The following KLK7 variants were observed in gnomAD, a reference collection of about 807,000 sequenced individuals.
KLK7 encodes kallikrein related peptidase 7.
A neutral mutation model predicts 21.0 loss-of-function variants in KLK7; 17 were observed. The observed-to-expected ratio is 0.81, with a 90% CI of 0.55 to 1.21. The LOEUF is 1.21. KLK7 is among the 50% of genes most tolerant of loss of function. KLK7 has a pLI of 0.00. For missense variants in KLK7, 330 were observed against 322.8 expected (o/e 1.02, Z -0.17); for synonymous variants, 151 against 134.6 (o/e 1.12, Z -0.85).
chr19:50,982,211 C>G, intron 2 of KLK7, 116 bp downstream of exon 2: 2 of 1,371,494 alleles, frequency 1.5e-6, no homozygotes, highest in Admixed American at 4.0e-5. Context: ...AGCCGACAGT[C>G]TGGTCCTCCC....
At chr19:50,983,632 G>C in intron 1 of KLK7, 1 of 514,132 alleles carries the variant, frequency 1.9e-6, no homozygotes. Flanking sequence ...TAGAGACCCA[G>C]GAATCTAGGC....
At chr19:50,983,449 C>A (rs1473818131) in intron 1 of KLK7, among the ~76,000 whole-genome samples, 7 of 141,412 alleles carry the variant, frequency 5.0e-5, no homozygotes, top group African/African-American at 1.6e-4. Flanking sequence ...TCCCTCAGAC[C>A]CAGGAGTCCA....
At position 50,977,472 on chromosome 19, in the gene KLK7, A is replaced by G. The variant is rs900218633; in HGVS notation, c.*64T>C. ...AAAGTCAAATTTGACTTCATAGGTCATCGGCGTCCTCACTCCTGTGCATTT... is the reference window on the plus strand; with the variant it reads ...AAAGTCAAATTTGACTTCATAGGTCGTCGGCGTCCTCACTCCTGTGCATTT... On this transcript the variant is annotated 3_prime_UTR_variant, in exon 6 of 6. Coordinates refer to ENST00000595820, the MANE Select transcript of KLK7 (RefSeq NM_005046.4). 5.9e-6 allele frequency: 9 copies of G among 1,512,850 alleles called. No homozygotes were observed. Among genetic ancestry groups the G allele is most frequent in the Non-Finnish European group, 8.2e-6 (9 of 1,091,734 alleles). 93.7% of individuals were successfully genotyped at this position (1,512,850 alleles called of 1,614,324 possible).
chr19:50,982,423 G>A lies in KLK7; in HGVS notation c.-24C>T. 1 of 1,594,084 alleles carries A rather than the reference G, an allele frequency of 6.3e-7. No individual in the cohort carries two copies. The highest frequency in any genetic ancestry group is 2.3e-5 in the East Asian group (1 of 44,390). ...ATGGTGCCCTGCTGAGCCGCTCAGG[G>A]GCTGCCAGGCGAGGAAGGGCCTCTC... is the stretch of plus-strand genomic sequence containing the variant. On this transcript the variant is annotated 5_prime_UTR_variant, in exon 2 of 6. Coordinates refer to ENST00000595820, the MANE Select transcript of KLK7 (RefSeq NM_005046.4).
In KLK7 at chr19:50,979,693, G is replaced by A. The variant is rs895369152; in HGVS notation, c.606+95C>T. 25 of 1,295,102 alleles carry A rather than the reference G, an allele frequency of 1.9e-5. 1 individual carries two copies. Among genetic ancestry groups the A allele is most frequent in the East Asian group, 5.1e-5 (2 of 38,906 alleles). 80.2% of individuals were successfully genotyped at this position (1,295,102 alleles called of 1,614,324 possible). A position where few individuals can be genotyped will look rare whatever the true frequency, so the allele number is the denominator to read the frequency against. ...CCAGGCCTGGGGGGAGGGCAAGGCC[G>A]GGCTTGGTACCCAGTCACTCGGGTC... On this transcript the variant is annotated intron_variant, in intron 5 of 5. Transcript: ENST00000595820.
rs1219665606 is a variant in KLK7, at chr19:50,983,513, TCCCTC to T, written c.-59+333_-59+337del. ...AGGAGTCGAGACCCCCAGCCCCTCCTCCCTCAGACCCAGGAGTCCAGGCCCCCAGG... is the reference window on the plus strand; with the variant it reads ...AGGAGTCGAGACCCCCAGCCCCTCCTAGACCCAGGAGTCCAGGCCCCCAGG... On this transcript the variant is annotated intron_variant, in intron 1 of 5. Transcript: ENST00000595820. Among the ~76,000 whole-genome samples the T allele has an allele frequency of 7.6e-3, 617 of 81,488 alleles. 10 individuals carry two copies. Among genetic ancestry groups the T allele is most frequent in the African/African-American group, 0.027 (568 of 20,928 alleles). The allele number at this position is 81,488 out of a possible 152,430, so 53.5% of individuals were successfully genotyped here.
chr19:50,977,178 A>AT lies in KLK7; in HGVS notation c.*357dup, dbSNP rs912632273. ...ATTCAAGTCTTGTTCTACATTTTGG[A>AT]TTTTTTTTGTTTCAGTAGGTTCTTC... On this transcript the variant is annotated 3_prime_UTR_variant, in exon 6 of 6. Coordinates refer to ENST00000595820, the MANE Select transcript of KLK7 (RefSeq NM_005046.4). 1.8e-4 allele frequency: 34 copies of AT among 185,362 alleles called. No homozygotes were observed. The highest frequency in any genetic ancestry group is 7.4e-4 in the South Asian group (4 of 5,370). 11.5% of individuals were successfully genotyped at this position (185,362 alleles called of 1,614,324 possible).
chr19:50,982,065 A>G, intron 2 of KLK7, 151 bp from the exon 3 acceptor site: 1 of 934,184 alleles, frequency 1.1e-6, no homozygotes. Flanking sequence ...ATAGAGACAG[A>G]CAGAAGGAGC....
Position 50,983,901 on chromosome 19 carries a change from T to C in KLK7, c.-109A>G. 7.8e-7 allele frequency: 1 copy of C among 1,289,140 alleles called. No individual in the cohort carries two copies. Among genetic ancestry groups the C allele is most frequent in the Admixed American group, 2.3e-5 (1 of 43,556 alleles). 79.9% of individuals were successfully genotyped at this position (1,289,140 alleles called of 1,614,324 possible). A position where few individuals can be genotyped will look rare whatever the true frequency, so the allele number is the denominator to read the frequency against. Reference sequence around the variant, plus strand: ...GTTCCGACTTGGGCTGGCACACAGCTGGGCTCCAAAATCTTCATCCCTCTG... The same window carrying C: ...GTTCCGACTTGGGCTGGCACACAGCCGGGCTCCAAAATCTTCATCCCTCTG... On this transcript the variant is annotated 5_prime_UTR_variant, in exon 1 of 6. Transcript: ENST00000595820.
Position 50,980,370 on chromosome 19 carries a change from G to A in KLK7, c.339C>T (p.Leu113=). The A allele has an allele frequency of 1.2e-6, 2 of 1,614,082 alleles. No homozygotes were observed. Among genetic ancestry groups the A allele is most frequent in the Non-Finnish European group, 1.7e-6 (2 of 1,179,978 alleles). ...GYSTQTHVND[L]MLVKLNSQAR... ...CCTGGCTATTGAGCTTCACGAGCAT[G>A]AGGTCATTAACATGGGTCTGTGTGG... Residue 113 remains leucine (L), a synonymous_variant, in exon 4 of 6, where the codon CTC becomes CTT. Coordinates refer to ENST00000595820, the MANE Select transcript of KLK7 (RefSeq NM_005046.4).
intron 2 of KLK7, 164 bp from the exon 3 acceptor site, chr19:50,982,078 A>G: frequency 2.3e-6 from 2 of 876,580 alleles, no homozygotes; most frequent in Non-Finnish European, 3.4e-6. Context: ...GAAGGAGCCC[A>G]CTCAGAAACC....
intron 5 of KLK7, among the ~76,000 whole-genome samples, chr19:50,978,877 G>T: frequency 8.4e-6 from 1 of 119,002 alleles, no homozygotes; most frequent in Admixed American, 8.8e-5. Flanking sequence ...CAGAGAGAGA[G>T]GAAAAAAGAG....
chr19:50,984,063 T>C (rs771796390), upstream of KLK7: 3 of 484,914 alleles, frequency 6.2e-6, no homozygotes, highest in Non-Finnish European at 1.1e-5. Flanking sequence ...GCGAGAGCAA[T>C]TGGCACCACT....
chr19:50,978,615 GAA>G (rs2091053395), intron 5 of KLK7, among the ~76,000 whole-genome samples: 1 of 114,430 alleles, frequency 8.7e-6, no homozygotes, highest in Admixed American at 9.0e-5. Context: ...GAGACAAAGA[GAA>G]AGGGGGGGAA....
At position 50,977,553 on chromosome 19, in the gene KLK7, T is replaced by C. The variant is rs1291199159; in HGVS notation, c.745A>G (p.Met249Val). ...CKFTKWINDTMKKHR is the reference protein window; with the variant it reads ...CKFTKWINDTVKKHR Reference sequence around the variant, plus strand: ...GTGTGGCGTTAGCGATGCTTTTTCATGGTGTCATTTATCCACTTGGTGAAC... The same window carrying C: ...GTGTGGCGTTAGCGATGCTTTTTCACGGTGTCATTTATCCACTTGGTGAAC... Residue 249 changes from methionine to valine, a missense_variant, in exon 6 of 6, where the codon ATG becomes GTG. Met to Val is a conservative substitution (Grantham distance 21). Transcript: ENST00000595820. 1.9e-6 allele frequency: 3 copies of C among 1,613,974 alleles called. No individual in the cohort carries two copies. The East Asian group carries it at 6.7e-5, about 36-fold the overall frequency.
chr19:50,978,287 A>G (rs2091051125), intron 5 of KLK7, among the ~76,000 whole-genome samples: 1 of 152,152 alleles, frequency 6.6e-6, no homozygotes, highest in Non-Finnish European at 1.5e-5. Flanking sequence ...TCTCTAGGAC[A>G]GTCATCTCTC....
In KLK7 at chr19:50,982,342, T is replaced by C; in HGVS notation, c.58A>G (p.Thr20Ala). The C allele has an allele frequency of 6.2e-7, 1 of 1,610,774 alleles. No individual in the cohort carries two copies. Residue 20 changes from threonine to alanine, a missense_variant, in exon 2 of 6, where the codon ACT (threonine) becomes GCT (alanine). Transcript: ENST00000595820. ...QILLLSLALE[T>A]AGEEAQGDKI... ...CAGCTTTCACCTTCTTCTCCTGCAG[T>C]TTCCAAGGCTAAGGATAGCAGTAAG...
At chr19:50,979,463 A>T (rs1701922) in intron 5 of KLK7, among the ~76,000 whole-genome samples, 54,053 of 152,084 alleles carry the variant, frequency 0.36, 10,943 homozygotes, top group African/African-American at 0.56. Flanking sequence ...TAAATATTGC[A>T]TTATGATTTA....
upstream of KLK7, chr19:50,983,996 G>C: frequency 8.8e-7 from 1 of 1,131,240 alleles, no homozygotes; most frequent in Non-Finnish European, 1.2e-6. Flanking sequence ...AGGCGGAGCC[G>C]ACTCTGGGAC....
Sources: gnomAD v4.1 joint callset for allele counts (sites outside exome capture counted in the v4.1 genomes callset) on GRCh38, gnomAD v4.1.1 for gene constraint, MANE v1.5 for transcripts, NCBI Gene and HGNC (gene_info 2026-07-23, HGNC 2026-07-21) for gene names.